PRKG1: variants seen among roughly 807,000 people sequenced by gnomAD.
PRKG1 encodes protein kinase cGMP-dependent 1, also known as cGMP-dependent protein kinase 1.
PRKG1 carries 35 observed loss-of-function variants against 88.1 expected under a neutral mutation model. The ratio of observed to expected loss-of-function variants is 0.40; its 90% CI spans 0.30 to 0.53. The LOEUF (loss-of-function observed/expected upper bound fraction) is 0.53. Among genes scored for constraint, PRKG1 ranks in the 20% least tolerant of loss-of-function variants. PRKG1 has a pLI of 0.59. For synonymous variants in PRKG1, 303 were observed against 292.5 expected (o/e 1.04, Z -0.37); for missense variants, 540 against 839.8 (o/e 0.64, Z 4.41).
At chr10:51,670,691 C>G (rs1462983491) in intron 3 of PRKG1, among the ~76,000 whole-genome samples, 2 of 147,608 alleles carry the variant, frequency 1.4e-5, no homozygotes, top group Non-Finnish European at 3.0e-5. Context: ...AGCCGAGATC[C>G]CGCCACTGCA....
chr10:51,946,782 A>G (rs148908354), intron 5 of PRKG1, among the ~76,000 whole-genome samples: 17,040 of 151,992 alleles, frequency 0.11, 1,250 homozygotes, highest in East Asian at 0.35. Flanking sequence ...GCGGATTTTC[A>G]TGAACCGCGA....
chr10:51,635,647 T>C (rs1839638969), intron 3 of PRKG1, among the ~76,000 whole-genome samples: 1 of 152,150 alleles, frequency 6.6e-6, no homozygotes, highest in Non-Finnish European at 1.5e-5. Context: ...ACAATTGGCA[T>C]GAACAATGTA....
intron 2 of PRKG1, among the ~76,000 whole-genome samples, chr10:51,341,604 C>T (rs1842005483): frequency 6.6e-6 from 1 of 152,100 alleles, no homozygotes; most frequent in Non-Finnish European, 1.5e-5. Context: ...TGTTTTAGAG[C>T]CACTTGTGAT....
intron 1 of PRKG1, among the ~76,000 whole-genome samples, chr10:51,079,089 A>G (rs537603971): frequency 5.4e-4 from 83 of 152,322 alleles, no homozygotes; most frequent in African/African-American, 1.9e-3. Context: ...ATATTAAAAC[A>G]TAGATGGCTT....
At position 52,209,661 on chromosome 10, in the gene PRKG1, G is replaced by A. The variant is rs116701401; in HGVS notation, c.1077-41909G>A. Among the ~76,000 whole-genome samples, 486 of 152,186 alleles carry A rather than the reference G, an allele frequency of 3.2e-3. 3 individuals carry two copies. Among genetic ancestry groups the A allele is most frequent in the Middle Eastern group, 0.01 (3 of 294 alleles). On this transcript the variant is annotated intron_variant, in intron 9 of 17. Coordinates refer to ENST00000373980, the MANE Select transcript of PRKG1 (RefSeq NM_006258.4). ...ATGAGGCTCACACTTTACCAAAACC[G>A]AAATCTTGATTTTCCTCAAACCTGC...
At chr10:51,651,446 A>G (rs1840036310) in intron 3 of PRKG1, among the ~76,000 whole-genome samples, 1 of 151,716 alleles carries the variant, frequency 6.6e-6, no homozygotes, top group Non-Finnish European at 1.5e-5. Context: ...GTCAAATGTC[A>G]CTTCCTCTAG....
rs1842400960 is a variant in PRKG1, at chr10:52,297,137, A to G, written c.*3237A>G. On this transcript the variant is annotated 3_prime_UTR_variant, in exon 18 of 18. Transcript: ENST00000373980. ...GGACCACAGACAAATATTTATGTAA[A>G]TAGGTATTTTTGTGTGATATTTTGT... 1 of 152,132 alleles carries G rather than the reference A, an allele frequency of 6.6e-6. No individual in the cohort carries two copies. The highest frequency in any genetic ancestry group is 2.1e-4 in the South Asian group (1 of 4,828). The allele number at this position is 152,132 out of a possible 1,614,324, so 9.4% of individuals were successfully genotyped here. A position where few individuals can be genotyped will look rare whatever the true frequency, so the allele number is the denominator to read the frequency against.
rs530698092 is a variant in PRKG1, at chr10:51,467,525, G to T, written c.479-198G>T. Among the ~76,000 whole-genome samples, 761 of 151,972 alleles carry T rather than the reference G, an allele frequency of 5.0e-3. 6 individuals carry two copies. Among genetic ancestry groups the T allele is most frequent in the African/African-American group, 0.017 (725 of 41,510 alleles). ...TTGGATCTCATATCAAATCTTTTCA[G>T]TAGTAAATTTAAGAAAATATGTACT... is the stretch of plus-strand genomic sequence containing the variant. On this transcript the variant is annotated intron_variant, in intron 2 of 17. Transcript: ENST00000373980.
intron 7 of PRKG1, among the ~76,000 whole-genome samples, chr10:52,093,346 C>T (rs1847099889): frequency 6.6e-6 from 1 of 152,088 alleles, no homozygotes; most frequent in African/African-American, 2.4e-5. Flanking sequence ...TTGCATTTTT[C>T]CATTTGTCAG....
At chr10:51,061,902 T>C (rs78799660) in intron 1 of PRKG1, among the ~76,000 whole-genome samples, 5,141 of 152,316 alleles carry the variant, frequency 0.034, 276 homozygotes, top group African/African-American at 0.11. Context: ...AAAGCCCATT[T>C]CTGATAATTC....
chr10:52,013,678 G>T (rs1325114365), intron 5 of PRKG1, among the ~76,000 whole-genome samples: 1 of 152,138 alleles, frequency 6.6e-6, no homozygotes, highest in Non-Finnish European at 1.5e-5. Flanking sequence ...AAATGTAATT[G>T]CAGGCCTTGA....
At chr10:51,009,928 G>T (rs959641057) in intron 1 of PRKG1, among the ~76,000 whole-genome samples, 27 of 152,196 alleles carry the variant, frequency 1.8e-4, no homozygotes, top group African/African-American at 6.0e-4. Flanking sequence ...ATTCTCATAC[G>T]CCTGCTATCA....
chr10:51,619,670 C>A (rs1839156802), intron 3 of PRKG1, among the ~76,000 whole-genome samples: 1 of 152,158 alleles, frequency 6.6e-6, no homozygotes, highest in Admixed American at 6.5e-5. Context: ...GACAGCTAAA[C>A]CCTTCTGTGC....
chr10:51,593,144 A>T (rs1838354832), intron 3 of PRKG1, among the ~76,000 whole-genome samples: 1 of 152,186 alleles, frequency 6.6e-6, no homozygotes. Flanking sequence ...TTCCATTTGG[A>T]GGTCTCTTCT....
At chr10:51,526,214 A>G (rs983773203) in intron 3 of PRKG1, among the ~76,000 whole-genome samples, 1 of 152,214 alleles carries the variant, frequency 6.6e-6, no homozygotes, top group Non-Finnish European at 1.5e-5. Context: ...ATTCAGTACC[A>G]AGAAAAGAAT....
chr10:51,765,892 T>G (rs1012736064), intron 3 of PRKG1, among the ~76,000 whole-genome samples: 1 of 151,334 alleles, frequency 6.6e-6, no homozygotes, highest in Non-Finnish European at 1.5e-5. Context: ...CAGGCTGGCT[T>G]AAAACACAGG....
intron 2 of PRKG1, among the ~76,000 whole-genome samples, chr10:51,328,303 A>G (rs1841644627): frequency 6.6e-6 from 1 of 152,178 alleles, no homozygotes; most frequent in Non-Finnish European, 1.5e-5. Flanking sequence ...TCAAGTGACA[A>G]GATTTCCTTC....
intron 2 of PRKG1, among the ~76,000 whole-genome samples, chr10:51,296,059 T>C (rs542887154): frequency 2.0e-5 from 3 of 152,294 alleles, no homozygotes; most frequent in Non-Finnish European, 4.4e-5. Context: ...TTTAATGTTC[T>C]GTTGAATGCT....
chr10:52,103,892 T>C (rs1480536590), intron 7 of PRKG1, among the ~76,000 whole-genome samples: 2 of 151,632 alleles, frequency 1.3e-5, no homozygotes, highest in Admixed American at 6.6e-5. Context: ...GATTTATATA[T>C]CCTATTAGAT....
Sources: allele counts gnomAD v4.1 joint callset (sites outside exome capture counted in the v4.1 genomes callset), GRCh38; gene constraint gnomAD v4.1.1; transcripts MANE v1.5; gene names NCBI Gene and HGNC (gene_info 2026-07-23, HGNC 2026-07-21).